Variants in LRRC2 observed in about 807,000 individuals in gnomAD.
LRRC2 encodes the protein leucine rich repeat containing 2.
LRRC2 carries 27 observed loss-of-function variants against 40.2 expected under a neutral mutation model. That is an observed-to-expected ratio of 0.67 (90% confidence interval 0.49 to 0.93). The LOEUF (loss-of-function observed/expected upper bound fraction) is 0.93. LRRC2 is among the 40% of genes least tolerant of loss of function. The pLI is 0.00. For synonymous variants in LRRC2, 147 were observed against 158.9 expected (o/e 0.92, Z 0.56); for missense variants, 402 against 439.6 (o/e 0.91, Z 0.76).
intron 3 of LRRC2, 83 bp downstream of exon 3, chr3:46,544,963 C>T (rs1383973197): frequency 7.8e-7 from 1 of 1,279,742 alleles, no homozygotes; most frequent in East Asian, 2.3e-5. Context: ...AAGGCAAAAG[C>T]ATTCATTCAT....
chr3:46,549,104 T>G (rs1704589342), intron 2 of LRRC2, among the ~76,000 whole-genome samples: 1 of 152,218 alleles, frequency 6.6e-6, no homozygotes, highest in Non-Finnish European at 1.5e-5. Flanking sequence ...TTATAATGTT[T>G]AAGTATCGGT....
At chr3:46,534,688 G>A (rs1704240711) in intron 4 of LRRC2, among the ~76,000 whole-genome samples, 1 of 152,070 alleles carries the variant, frequency 6.6e-6, no homozygotes, top group African/African-American at 2.4e-5. Context: ...ACCACTCATT[G>A]TCATTCTTAA....
intron 4 of LRRC2, among the ~76,000 whole-genome samples, chr3:46,538,440 G>T (rs1330968936): frequency 6.6e-6 from 1 of 152,008 alleles, no homozygotes; most frequent in Non-Finnish European, 1.5e-5. Flanking sequence ...TTTGAGACCA[G>T]CCTGGTCAAC....
In LRRC2 at chr3:46,518,964, T is replaced by C; in HGVS notation, c.*50A>G. 1 of 1,256,844 alleles carries C rather than the reference T, an allele frequency of 8.0e-7. No individual in the cohort carries two copies. Among genetic ancestry groups the C allele is most frequent in the Non-Finnish European group, 1.2e-6 (1 of 855,326 alleles). 77.9% of individuals were successfully genotyped at this position (1,256,844 alleles called of 1,614,324 possible). On this transcript the variant is annotated 3_prime_UTR_variant, in exon 9 of 9. Coordinates refer to ENST00000395905, the MANE Select transcript of LRRC2 (RefSeq NM_024512.5). Reference sequence around the variant, plus strand: ...CTATATGACATGATCATAACAAAGATTTATATATAGCTCCAGAGAATAGTG... The same window carrying C: ...CTATATGACATGATCATAACAAAGACTTATATATAGCTCCAGAGAATAGTG...
At chr3:46,535,922 T>C (rs544723074) in intron 4 of LRRC2, among the ~76,000 whole-genome samples, 128 of 152,330 alleles carry the variant, frequency 8.4e-4, no homozygotes, top group African/African-American at 2.9e-3. Context: ...TAGGTACTAT[T>C]GTTATCCCCA....
intron 3 of LRRC2, among the ~76,000 whole-genome samples, chr3:46,543,234 G>A (rs560326468): frequency 1.3e-5 from 2 of 152,184 alleles, no homozygotes; most frequent in Middle Eastern, 3.4e-3. Flanking sequence ...TTTTGAGGAC[G>A]CCATCCACCT....
intron 1 of LRRC2, among the ~76,000 whole-genome samples, chr3:46,552,381 T>TAAAA (rs59750352): frequency 6.9e-6 from 1 of 144,818 alleles, no homozygotes. Context: ...TATTTAAATC[T>TAAAA]AAAAAAAAAA....
At chr3:46,543,645 A>C (rs1449544267) in intron 3 of LRRC2, among the ~76,000 whole-genome samples, 2 of 95,436 alleles carry the variant, frequency 2.1e-5, no homozygotes, top group African/African-American at 6.6e-5. Context: ...AATAATAATA[A>C]TAATAAATAA....
chr3:46,534,419 CCTTCCTTTCTTTCTTTCTTTCTTTCTTT>C lies in LRRC2; in HGVS notation c.491-1538_491-1511del, dbSNP rs1271215408. On this transcript the variant is annotated intron_variant, in intron 4 of 8. Coordinates refer to ENST00000395905, the MANE Select transcript of LRRC2 (RefSeq NM_024512.5). ...TTCTTTCTTTTCTTTTCTTTTCCTTCCTTCCTTTCTTTCTTTCTTTCTTTCTTTCTTTCTTTCTTTCTTTCTTTCTTTG... is the reference window on the plus strand; with the variant it reads ...TTCTTTCTTTTCTTTTCTTTTCCTTCCTTTCTTTCTTTCTTTCTTTCTTTG... Among the ~76,000 whole-genome samples, 55 of 111,128 alleles carry C rather than the reference CCTTCCTTTCTTTCTTTCTTTCTTTCTTT, an allele frequency of 4.9e-4. No individual in the cohort carries two copies. In the South Asian group the frequency reaches 7.3e-3, roughly 15 times the overall value. The allele number at this position is 111,128 out of a possible 152,430, so 72.9% of individuals were successfully genotyped here. A position where few individuals can be genotyped will look rare whatever the true frequency, so the allele number is the denominator to read the frequency against.
intron 3 of LRRC2, among the ~76,000 whole-genome samples, chr3:46,543,233 C>T (rs902927801): frequency 2.6e-5 from 4 of 152,078 alleles, no homozygotes; most frequent in African/African-American, 9.7e-5. Context: ...GTTTTGAGGA[C>T]GCCATCCACC....
At chr3:46,531,505 C>A (rs376335023) in intron 5 of LRRC2, among the ~76,000 whole-genome samples, 2 of 152,026 alleles carry the variant, frequency 1.3e-5, no homozygotes, top group Non-Finnish European at 2.9e-5. Context: ...GTGATGAGAA[C>A]GGTTAGACAG....
At chr3:46,537,568 A>C (rs891361431) in intron 4 of LRRC2, among the ~76,000 whole-genome samples, 1 of 152,200 alleles carries the variant, frequency 6.6e-6, no homozygotes, top group Non-Finnish European at 1.5e-5. Context: ...TCAGTCAGTT[A>C]ATGATTCAGT....
At chr3:46,536,970 C>T (rs1408870222) in intron 4 of LRRC2, among the ~76,000 whole-genome samples, 1 of 152,194 alleles carries the variant, frequency 6.6e-6, no homozygotes, top group Non-Finnish European at 1.5e-5. Flanking sequence ...TGATGCCCTG[C>T]CTTTTGACAG....
chr3:46,533,409 A>C (rs1307544242), intron 4 of LRRC2, among the ~76,000 whole-genome samples: 1 of 152,192 alleles, frequency 6.6e-6, no homozygotes, highest in Non-Finnish European at 1.5e-5. Flanking sequence ...ATATTTGAGT[A>C]AAAATGTTTA....
At chr3:46,550,575 CAG>C (rs1704623216) in intron 2 of LRRC2, among the ~76,000 whole-genome samples, 1 of 151,820 alleles carries the variant, frequency 6.6e-6, no homozygotes, top group South Asian at 2.1e-4. Flanking sequence ...GTATTTTTAG[CAG>C]AGACGGGGTT....
chr3:46,546,300 CAGTT>C (rs1168629272), intron 2 of LRRC2, among the ~76,000 whole-genome samples: 1 of 152,204 alleles, frequency 6.6e-6, no homozygotes, highest in African/African-American at 2.4e-5. Context: ...TTCAGAGTCT[CAGTT>C]AGGCTGTAGG....
chr3:46,555,999 C>T (rs58177689), intron 1 of LRRC2, among the ~76,000 whole-genome samples: 7,382 of 152,204 alleles, frequency 0.049, 273 homozygotes, highest in South Asian at 0.15. Flanking sequence ...AATCAGCACC[C>T]TTAGAATGTT....
At chr3:46,553,662 A>AT (rs1369863705) in intron 1 of LRRC2, among the ~76,000 whole-genome samples, 1 of 151,852 alleles carries the variant, frequency 6.6e-6, no homozygotes, top group Non-Finnish European at 1.5e-5. Context: ...GAATTTTTTA[A>AT]TTTTTTGTGG....
chr3:46,551,342 G>A (rs905443214), intron 2 of LRRC2, 125 bp downstream of exon 2: 3 of 1,206,480 alleles, frequency 2.5e-6, no homozygotes, highest in Non-Finnish European at 3.5e-6. Context: ...GAAGTTTAAT[G>A]AGGAAAATTT....
Sources: allele counts gnomAD v4.1 joint callset (sites outside exome capture counted in the v4.1 genomes callset), GRCh38; gene constraint gnomAD v4.1.1; transcripts MANE v1.5; gene names NCBI Gene and HGNC (gene_info 2026-07-23, HGNC 2026-07-21).